Variants in RPGRIP1 observed in about 807,000 individuals in gnomAD.
RPGRIP1 encodes the protein X-linked retinitis pigmentosa GTPase regulator-interacting protein 1.
A neutral mutation model predicts 157.9 loss-of-function variants in RPGRIP1; 128 were observed. The observed-to-expected ratio is 0.81, with a 90% CI of 0.70 to 0.94. The LOEUF (loss-of-function observed/expected upper bound fraction) is 0.94. Among genes scored for constraint, RPGRIP1 ranks in the 40% least tolerant of loss-of-function variants. The pLI, the probability that RPGRIP1 is intolerant of heterozygous loss-of-function variation, is 0.00. For missense variants in RPGRIP1, 1,486 were observed against 1,545.8 expected (o/e 0.96, Z 0.65); for synonymous variants, 554 against 571.6 (o/e 0.97, Z 0.44).
At chr14:21,302,610 T>C (rs1235922048) in intron 5 of RPGRIP1, 26 bp downstream of exon 5, 2 of 1,338,740 alleles carry the variant, frequency 1.5e-6, no homozygotes, top group South Asian at 2.7e-5. Flanking sequence ...TTATCCCATG[T>C]TGTTATTCCT....
chr14:21,306,095 G>A (rs1402807886), intron 6 of RPGRIP1, among the ~76,000 whole-genome samples: 1 of 140,492 alleles, frequency 7.1e-6, no homozygotes, highest in African/African-American at 2.7e-5. Context: ...TGAGCTCCTA[G>A]GTTCAGGAAT....
intron 21 of RPGRIP1, among the ~76,000 whole-genome samples, chr14:21,338,111 T>A (rs963616433): frequency 1.3e-5 from 2 of 151,978 alleles, no homozygotes; most frequent in Non-Finnish European, 2.9e-5. Context: ...AGAGATGGGG[T>A]TTCACCGTGT....
At chr14:21,310,713 A>C (rs1881506824) in intron 8 of RPGRIP1, 106 bp downstream of exon 8, 1 of 674,740 alleles carries the variant, frequency 1.5e-6, no homozygotes, top group Non-Finnish European at 2.6e-6. Flanking sequence ...TTAGCTAACT[A>C]AATCAATGTT....
chr14:21,282,516 G>T (rs568621524), intron 1 of RPGRIP1, among the ~76,000 whole-genome samples: 1 of 151,934 alleles, frequency 6.6e-6, no homozygotes, highest in East Asian at 1.9e-4. Context: ...GATTACAGGC[G>T]TGAGCCACCA....
chr14:21,321,851 C>T lies in RPGRIP1; in HGVS notation c.1612-3C>T. 4 of 1,608,612 alleles carry T rather than the reference C, an allele frequency of 2.5e-6. No homozygotes were observed. The highest frequency in any genetic ancestry group is 3.4e-6 in the Non-Finnish European group (4 of 1,177,964). Reference sequence around the variant, plus strand: ...GAAAAGTTCAGACATTATTTTGTTTCAGGAGGAACTGGAGGCAATGATGAC... The same window carrying T: ...GAAAAGTTCAGACATTATTTTGTTTTAGGAGGAACTGGAGGCAATGATGAC... On this transcript the variant is annotated splice_polypyrimidine_tract_variant and splice_region_variant and intron_variant, in intron 13 of 24. Coordinates refer to ENST00000400017, the MANE Select transcript of RPGRIP1 (RefSeq NM_020366.4).
At chr14:21,292,015 C>T (rs1016217859) in intron 2 of RPGRIP1, among the ~76,000 whole-genome samples, 1 of 152,146 alleles carries the variant, frequency 6.6e-6, no homozygotes, top group African/African-American at 2.4e-5. Context: ...GCCTCAGCCT[C>T]CCAAAGTGCT....
chr14:21,334,048 G>T (rs1320502322), intron 20 of RPGRIP1, among the ~76,000 whole-genome samples: 1 of 149,372 alleles, frequency 6.7e-6, no homozygotes, highest in African/African-American at 2.5e-5. Flanking sequence ...TCAGCCTCCC[G>T]AGTGGCTGGG....
Position 21,342,977 on chromosome 14 carries a change from G to A in RPGRIP1, c.3340-59G>A, listed in dbSNP as rs115045255. The A allele has an allele frequency of 1.0e-3, 1,312 of 1,253,712 alleles. 10 individuals carry two copies. The African/African-American group carries it at 0.011, about 10-fold the overall frequency. The allele number at this position is 1,253,712 out of a possible 1,614,324, so 77.7% of individuals were successfully genotyped here. The stretch of plus-strand genomic sequence containing the variant: ...TACCGTAATGGGTTAATTGGATGGC[G>A]TATAAGCACTTGGAGCCTCACTAAC... On this transcript the variant is annotated intron_variant, in intron 21 of 24. Transcript: ENST00000400017.
At chr14:21,328,359 C>G (rs1883336726) in intron 18 of RPGRIP1, 65 bp from the exon 19 acceptor site, 2 of 1,216,676 alleles carry the variant, frequency 1.6e-6, no homozygotes, top group Non-Finnish European at 2.3e-6. Context: ...TCCCAAATCC[C>G]TTTCTTGTGT....
intron 14 of RPGRIP1, chr14:21,324,364 C>T: frequency 1.8e-6 from 1 of 547,106 alleles, no homozygotes; most frequent in Non-Finnish European, 3.3e-6. Context: ...CAGTGTTTTC[C>T]TAAGTTTAGC....
chr14:21,343,453 C>T (rs537648982), intron 22 of RPGRIP1, among the ~76,000 whole-genome samples: 147 of 152,226 alleles, frequency 9.7e-4, no homozygotes, highest in African/African-American at 3.3e-3. Flanking sequence ...CGCCTGTTCC[C>T]ACCCTTCCTC....
At chr14:21,324,368 G>C (rs2139225005) in intron 14 of RPGRIP1, 1 of 555,006 alleles carries the variant, frequency 1.8e-6, no homozygotes, top group East Asian at 3.1e-5. Context: ...GTTTTCCTAA[G>C]TTTAGCATCT....
intron 2 of RPGRIP1, among the ~76,000 whole-genome samples, chr14:21,290,177 G>A (rs568852578): frequency 7.2e-5 from 11 of 152,026 alleles, no homozygotes; most frequent in African/African-American, 2.4e-4. Context: ...TTTCTCCTGG[G>A]CACAAATCTA....
intron 21 of RPGRIP1, among the ~76,000 whole-genome samples, chr14:21,336,741 A>G (rs1434448434): frequency 6.6e-6 from 1 of 152,222 alleles, no homozygotes; most frequent in Non-Finnish European, 1.5e-5. Context: ...TTAGTGAAAG[A>G]GCTGAAACTC....
Position 21,303,445 on chromosome 14 carries a change from G to A in RPGRIP1, c.702G>A (p.Val234=), listed in dbSNP as rs762377126. Residue 234 remains valine (V), a synonymous_variant, in exon 6 of 25, where the codon GTG becomes GTA. Coordinates refer to ENST00000400017, the MANE Select transcript of RPGRIP1 (RefSeq NM_020366.4). ...TCATGGCCAGCAATACCATGCAAGT[G>A]GAAGAGCCACCCAAGTCTCCTGAGA... ...AHIMASNTMQ[V]EEPPKSPEKM... 5 of 1,613,862 alleles carry A rather than the reference G, an allele frequency of 3.1e-6. No individual in the cohort carries two copies. The South Asian group carries it at 4.4e-5, about 14-fold the overall frequency.
intron 21 of RPGRIP1, among the ~76,000 whole-genome samples, chr14:21,336,288 A>C (rs1165714557): frequency 6.6e-6 from 1 of 152,192 alleles, no homozygotes; most frequent in Non-Finnish European, 1.5e-5. Flanking sequence ...TAATCCCAGC[A>C]CTTTGGGAAA....
chr14:21,289,949 C>T (rs1566666141), intron 2 of RPGRIP1, among the ~76,000 whole-genome samples: 2 of 152,094 alleles, frequency 1.3e-5, no homozygotes, highest in Admixed American at 6.6e-5. Context: ...CTCTGCCTCC[C>T]GGGTTCAAGT....
intron 3 of RPGRIP1, among the ~76,000 whole-genome samples, chr14:21,300,442 G>C (rs573888718): frequency 1.4e-4 from 22 of 151,936 alleles, no homozygotes; most frequent in South Asian, 1.0e-3. Flanking sequence ...TCAGATAGTA[G>C]CAAAAAAACC....
chr14:21,303,601 C>G lies in RPGRIP1; in HGVS notation c.800+58C>G, dbSNP rs554131291. The G allele has an allele frequency of 7.9e-5, 101 of 1,273,496 alleles. No individual in the cohort carries two copies. In the East Asian group the frequency reaches 2.3e-3, roughly 29 times the overall value. The allele number at this position is 1,273,496 out of a possible 1,614,324, so 78.9% of individuals were successfully genotyped here. ...AACGAACTGAAAAAGCTAAGAGATTCTTATTTATACCTTTCCTCCATCTCA... is the reference window on the plus strand; with the variant it reads ...AACGAACTGAAAAAGCTAAGAGATTGTTATTTATACCTTTCCTCCATCTCA... On this transcript the variant is annotated intron_variant, in intron 6 of 24. Coordinates refer to ENST00000400017, the MANE Select transcript of RPGRIP1 (RefSeq NM_020366.4).
Sources: gnomAD v4.1 joint callset for allele counts (sites outside exome capture counted in the v4.1 genomes callset) on GRCh38, gnomAD v4.1.1 for gene constraint, MANE v1.5 for transcripts, NCBI Gene and HGNC (gene_info 2026-07-23, HGNC 2026-07-21) for gene names.